Variants in TEX9 observed in about 807,000 individuals in gnomAD.
The protein encoded by TEX9 is testis-expressed protein 9.
TEX9 carries 74 observed loss-of-function variants against 59.6 expected under a neutral mutation model. The observed-to-expected ratio is 1.24, with a 90% CI of 1.03 to 1.51. The LOEUF is 1.51. Among genes scored for constraint, TEX9 ranks in the 40% most tolerant of loss-of-function variants. The pLI is 0.00. For missense variants in TEX9, 522 were observed against 447.8 expected, an observed-to-expected ratio of 1.17 and a Z score of -1.49; for synonymous variants, 186 against 152.2, an observed-to-expected ratio of 1.22 and a Z score of -1.64.
chr15:56,442,847 AC>A, intron 12 of TEX9, among the ~76,000 whole-genome samples: 1 of 151,698 alleles, frequency 6.6e-6, no homozygotes, highest in East Asian at 1.9e-4. Flanking sequence ...CCACAAATTT[AC>A]CCCTGTAACA....
intron 1 of TEX9, among the ~76,000 whole-genome samples, chr15:56,319,514 A>T (rs1252124157): frequency 2.0e-5 from 3 of 152,140 alleles, no homozygotes; most frequent in African/African-American, 7.2e-5. Flanking sequence ...CATAATAAAA[A>T]GGTACCCTTT....
At chr15:56,458,878 T>A in the TEX9 span, among the ~76,000 whole-genome samples, 1 of 152,216 alleles carries the variant, frequency 6.6e-6, no homozygotes, top group Non-Finnish European at 1.5e-5. Flanking sequence ...TGCTTCTAAA[T>A]TTTGACATTT....
At chr15:56,429,130 G>T (rs1364880739) in intron 12 of TEX9, 7 of 1,600,108 alleles carry the variant, frequency 4.4e-6, no homozygotes, top group Non-Finnish European at 6.0e-6. Flanking sequence ...TCACTCCTTT[G>T]TTGATATACT....
intron 1 of TEX9, among the ~76,000 whole-genome samples, chr15:56,351,572 A>T (rs574157178): frequency 2.2e-4 from 33 of 152,290 alleles, no homozygotes; most frequent in Non-Finnish European, 3.5e-4. Context: ...TTGAATGGAG[A>T]GAATGGGAGA....
intron 9 of TEX9, among the ~76,000 whole-genome samples, chr15:56,407,444 C>T (rs988045822): frequency 1.3e-5 from 2 of 151,980 alleles, no homozygotes; most frequent in African/African-American, 4.8e-5. Context: ...TTATGTTTTT[C>T]GTGGTATTTG....
At chr15:56,329,431 G>T (rs1449668403) in intron 1 of TEX9, among the ~76,000 whole-genome samples, 1 of 151,988 alleles carries the variant, frequency 6.6e-6, no homozygotes, top group Non-Finnish European at 1.5e-5. Flanking sequence ...GACACCAAAC[G>T]AACTAAATGA....
At chr15:56,300,772 G>A (rs2045342520) in intron 1 of TEX9, among the ~76,000 whole-genome samples, 1 of 147,406 alleles carries the variant, frequency 6.8e-6, no homozygotes, top group Non-Finnish European at 1.5e-5. Context: ...TTGGGGAAAA[G>A]TAAAGCAAAA....
intron 1 of TEX9, among the ~76,000 whole-genome samples, chr15:56,330,787 T>G (rs2046123659): frequency 6.6e-6 from 1 of 151,486 alleles, no homozygotes; most frequent in Non-Finnish European, 1.5e-5. Context: ...AAAAAATGGT[T>G]GGAGTAAGTT....
chr15:56,339,330 C>T (rs2046319691), intron 1 of TEX9, among the ~76,000 whole-genome samples: 1 of 136,008 alleles, frequency 7.4e-6, no homozygotes, highest in African/African-American at 2.8e-5. Flanking sequence ...TTGCAGTAAG[C>T]CCTGATCACG....
At chr15:56,263,276 G>A (rs1224487764) in intron 1 of TEX9, among the ~76,000 whole-genome samples, 3 of 152,122 alleles carry the variant, frequency 2.0e-5, no homozygotes, top group African/African-American at 7.2e-5. Flanking sequence ...ACCTGCCTTG[G>A]CCTCCCAAAG....
intron 1 of TEX9, among the ~76,000 whole-genome samples, chr15:56,338,751 T>C (rs1360638008): frequency 6.6e-6 from 1 of 151,936 alleles, no homozygotes; most frequent in Non-Finnish European, 1.5e-5. Context: ...AGCCCATCTC[T>C]ACTAAAAATA....
intron 12 of TEX9, chr15:56,429,848 A>G (rs1215776690): frequency 6.6e-6 from 1 of 152,210 alleles, no homozygotes; most frequent in Non-Finnish European, 1.5e-5. Flanking sequence ...TTGGATATCA[A>G]GTTTATTAAT....
chr15:56,445,129 C>A (rs1466624170), intron 12 of TEX9, among the ~76,000 whole-genome samples: 2 of 151,980 alleles, frequency 1.3e-5, no homozygotes, highest in Non-Finnish European at 2.9e-5. Context: ...TTGAGCAGCT[C>A]TTAAGTTTCT....
At chr15:56,380,821 T>C (rs2142127290) in intron 3 of TEX9, among the ~76,000 whole-genome samples, 1 of 152,338 alleles carries the variant, frequency 6.6e-6, no homozygotes, top group East Asian at 1.9e-4. Context: ...GTTGTTTGTT[T>C]CTTTTCTCTT....
intron 12 of TEX9, among the ~76,000 whole-genome samples, chr15:56,435,554 A>G (rs1346013937): frequency 1.3e-5 from 2 of 152,074 alleles, no homozygotes; most frequent in African/African-American, 4.8e-5. Context: ...TTATACACAC[A>G]TAAATTTGGC....
chr15:56,414,725 T>C (rs945141664), intron 10 of TEX9, among the ~76,000 whole-genome samples: 1 of 151,846 alleles, frequency 6.6e-6, no homozygotes, highest in East Asian at 1.9e-4. Flanking sequence ...GTCTTTATGG[T>C]AGAATGATTT....
intron 12 of TEX9, among the ~76,000 whole-genome samples, chr15:56,436,915 T>C (rs1029861672): frequency 6.6e-6 from 1 of 152,088 alleles, no homozygotes. Flanking sequence ...AGAAGTTGAA[T>C]CCCTGAATAG....
At chr15:56,429,194 C>T in intron 12 of TEX9, 1 of 1,577,052 alleles carries the variant, frequency 6.3e-7, no homozygotes, top group Non-Finnish European at 8.6e-7. Flanking sequence ...TAAATACTCC[C>T]TACGAGAAAA....
At position 56,292,667 on chromosome 15, in the gene TEX9, A is replaced by G. The variant is rs564590124; in HGVS notation, c.-107+48389A>G. On this transcript the variant is annotated intron_variant, in intron 1 of 5. Transcript: ENST00000560827. ...GTCAATGTGGCTAATATTAGCTCAC[A>G]GCTATACCCAGTTCTGGAAAAATGC... Among the ~76,000 whole-genome samples the G allele has an allele frequency of 2.6e-5, 4 of 152,310 alleles. No individual in the cohort carries two copies. The East Asian group carries it at 7.7e-4, about 29-fold the overall frequency.
Sources: allele counts gnomAD v4.1 joint callset (sites outside exome capture counted in the v4.1 genomes callset), GRCh38; gene constraint gnomAD v4.1.1; transcripts MANE v1.5; gene names NCBI Gene and HGNC (gene_info 2026-07-23, HGNC 2026-07-21).